MUC13: variants seen among roughly 807,000 people sequenced by gnomAD.
The protein encoded by MUC13 is mucin 13, cell surface associated.
In MUC13, 32 loss-of-function variants were observed where a neutral mutation model predicts 48.3. That is an observed-to-expected ratio of 0.66 (90% CI 0.50 to 0.89). The LOEUF is 0.89. Among genes scored for constraint, MUC13 ranks in the 40% least tolerant of loss-of-function variants. The pLI, the probability that MUC13 is intolerant of heterozygous loss-of-function variation, is 0.00. For missense variants in MUC13, 571 were observed against 622.8 expected, an observed-to-expected ratio of 0.92 and a Z score of 0.88; for synonymous variants, 199 against 224.9, an observed-to-expected ratio of 0.88 and a Z score of 1.03.
intron 10 of MUC13, among the ~76,000 whole-genome samples, chr3:124,909,047 G>A (rs954306425): frequency 9.9e-5 from 15 of 152,028 alleles, no homozygotes; most frequent in African/African-American, 2.9e-4. Context: ...CCAGCTACTC[G>A]GGAGGCCGAG....
At chr3:124,920,501 C>T (rs913656775) in intron 4 of MUC13, among the ~76,000 whole-genome samples, 2 of 152,286 alleles carry the variant, frequency 1.3e-5, no homozygotes, top group Middle Eastern at 3.4e-3. Flanking sequence ...TAAGTTGTCT[C>T]TATTTTCCTA....
At chr3:124,919,761 C>T (rs1217687510) in intron 5 of MUC13, among the ~76,000 whole-genome samples, 1 of 152,134 alleles carries the variant, frequency 6.6e-6, no homozygotes, top group Non-Finnish European at 1.5e-5. Flanking sequence ...AGTGCTTGTT[C>T]TCACTGCAGA....
chr3:124,906,881 C>T (rs1935328814), intron 11 of MUC13, 139 bp from the exon 12 acceptor site: 1 of 152,134 alleles, frequency 6.6e-6, no homozygotes, highest in South Asian at 2.1e-4. Flanking sequence ...CCCATATTCT[C>T]CCTATCATTT....
intron 5 of MUC13, among the ~76,000 whole-genome samples, chr3:124,918,033 T>C (rs940004516): frequency 6.6e-6 from 1 of 152,166 alleles, no homozygotes; most frequent in African/African-American, 2.4e-5. Context: ...GGCTTGGAGT[T>C]AAGACAGGAG....
intron 1 of MUC13, among the ~76,000 whole-genome samples, chr3:124,932,787 G>C (rs1480404937): frequency 6.6e-6 from 1 of 151,974 alleles, no homozygotes; most frequent in Non-Finnish European, 1.5e-5. Flanking sequence ...CTAATAAGTG[G>C]TGGCATGCCA....
chr3:124,926,115 T>C (rs1935681036), intron 2 of MUC13, among the ~76,000 whole-genome samples: 1 of 152,174 alleles, frequency 6.6e-6, no homozygotes, highest in Non-Finnish European at 1.5e-5. Flanking sequence ...GAAGAATGTG[T>C]CTCCTTCTGG....
In MUC13 at chr3:124,908,255, A is replaced by T. The variant is rs767144599; in HGVS notation, c.1431T>A (p.Leu477=). 1.2e-6 allele frequency: 2 copies of T among 1,614,164 alleles called. No homozygotes were observed. Among genetic ancestry groups the T allele is most frequent in the Non-Finnish European group, 1.7e-6 (2 of 1,180,036 alleles). ...TAGGAAAGACGCTCCCTTCTGCTCC[A>T]AGATTGGTGAAGCCTGTCGACCGCA... ...LKLRSTGFTN[L]GAEGSVFPKV... Residue 477 remains leucine (L), a synonymous_variant, in exon 11 of 12, where the codon CTT becomes CTA. Coordinates refer to ENST00000616727, the MANE Select transcript of MUC13 (RefSeq NM_033049.4).
chr3:124,908,033 A>G, intron 11 of MUC13, 114 bp downstream of exon 11: 1 of 1,004,308 alleles, frequency 1.0e-6, no homozygotes, highest in African/African-American at 1.6e-5. Context: ...TCAATTAAGA[A>G]AAAGAAAAAG....
At chr3:124,920,156 T>A in intron 5 of MUC13, 78 bp downstream of exon 5, 1 of 1,241,044 alleles carries the variant, frequency 8.1e-7, no homozygotes, top group Non-Finnish European at 1.2e-6. Flanking sequence ...GGCCTTAATG[T>A]TACATGCAGA....
At position 124,908,098 on chromosome 3, in the gene MUC13, C is replaced by T. The variant is rs370735906; in HGVS notation, c.*49G>A. 78 of 1,575,422 alleles carry T rather than the reference C, an allele frequency of 5.0e-5. No individual in the cohort carries two copies. The African/African-American group carries it at 8.8e-4, about 18-fold the overall frequency. ...ATTCAGCAACCAGGTCTCTGCTCTGCCCTGGTGCATTCACTCCCAAAAGCA... is the reference window on the plus strand; with the variant it reads ...ATTCAGCAACCAGGTCTCTGCTCTGTCCTGGTGCATTCACTCCCAAAAGCA... On this transcript the variant is annotated intron_variant, in intron 11 of 11. Transcript: ENST00000616727.
intron 5 of MUC13, 148 bp downstream of exon 5, chr3:124,920,086 C>A: frequency 1.3e-6 from 1 of 749,128 alleles, no homozygotes; most frequent in African/African-American, 1.8e-5. Flanking sequence ...CACACAGTCC[C>A]CTTTGCAGTG....
At chr3:124,917,415 C>T (rs190834209) in intron 5 of MUC13, among the ~76,000 whole-genome samples, 288 of 150,260 alleles carry the variant, frequency 1.9e-3, no homozygotes, top group African/African-American at 6.0e-3. Context: ...GGTGAGATCA[C>T]GTCTTACTGC....
Position 124,916,291 on chromosome 3 carries a change from T to A in MUC13, c.964+26A>T, listed in dbSNP as rs545301480. 271 of 1,586,126 alleles carry A rather than the reference T, an allele frequency of 1.7e-4. 1 individual carries two copies. In the South Asian group the frequency reaches 1.9e-3, roughly 11 times the overall value. On this transcript the variant is annotated intron_variant, in intron 6 of 11. Coordinates refer to ENST00000616727, the MANE Select transcript of MUC13 (RefSeq NM_033049.4). ...AAGGTAGGTAGGTCTTCAGGTGAAC[T>A]TTGAATAAAATTATACAATACTTAC... is the stretch of plus-strand genomic sequence containing the variant.
chr3:124,927,463 A>G (rs964708417), intron 2 of MUC13, 69 bp downstream of exon 2: 3 of 1,481,956 alleles, frequency 2.0e-6, no homozygotes, highest in Non-Finnish European at 2.8e-6. Flanking sequence ...CCACCAGAAC[A>G]TACCCACCTC....
At position 124,927,723 on chromosome 3, in the gene MUC13, GACTC is replaced by G; in HGVS notation, c.319_322del (p.Glu107GlnfsTer5). 6.2e-7 allele frequency: 1 copy of G among 1,614,220 alleles called. No homozygotes were observed. The highest frequency in any genetic ancestry group is 8.5e-7 in the Non-Finnish European group (1 of 1,180,044). On this transcript the variant is annotated frameshift_variant, in exon 2 of 12. Transcript: ENST00000616727. LOFTEE classifies it high-confidence loss of function. Reference sequence around the variant, plus strand: ...AGCTAATGAATTTACATTTGTGGTTGACTCACTGTCTGCAGCAGTAGGTATAGGA... The same window carrying G: ...AGCTAATGAATTTACATTTGTGGTTGACTGTCTGCAGCAGTAGGTATAGGA...
rs1243852910 is a variant in MUC13, at chr3:124,905,901, G to A, written c.*842C>T. 6.6e-6 allele frequency: 1 copy of A among 152,496 alleles called. No homozygotes were observed. The highest frequency in any genetic ancestry group is 2.4e-5 in the African/African-American group (1 of 41,440). The allele number at this position is 152,496 out of a possible 1,614,324, so 9.4% of individuals were successfully genotyped here. A position where few individuals can be genotyped will look rare whatever the true frequency, so the allele number is the denominator to read the frequency against. On this transcript the variant is annotated 3_prime_UTR_variant, in exon 12 of 12. Coordinates refer to ENST00000616727, the MANE Select transcript of MUC13 (RefSeq NM_033049.4). ...TTTGCTGATGGAGGAGGGGACCTAAGGAAGAAGGTGGATCCCAGGTGCCTC... is the reference window on the plus strand; with the variant it reads ...TTTGCTGATGGAGGAGGGGACCTAAAGAAGAAGGTGGATCCCAGGTGCCTC...
chr3:124,928,706 A>G (rs1123832), intron 1 of MUC13, among the ~76,000 whole-genome samples: 150,878 of 152,354 alleles, frequency 0.99, 74,718 homozygotes, highest in Middle Eastern at 1. Flanking sequence ...TTTAAGTTGA[A>G]TACTAAGAAG....
At chr3:124,924,069 C>T (rs1447597164) in intron 2 of MUC13, among the ~76,000 whole-genome samples, 1 of 152,002 alleles carries the variant, frequency 6.6e-6, no homozygotes, top group Non-Finnish European at 1.5e-5. Context: ...GAATAATTGT[C>T]ATATAGGAAG....
At chr3:124,914,342 G>A (rs1277813479) in intron 6 of MUC13, among the ~76,000 whole-genome samples, 1 of 152,008 alleles carries the variant, frequency 6.6e-6, no homozygotes, top group African/African-American at 2.4e-5. Flanking sequence ...CCTAGGAGGC[G>A]GAGGTTGCAG....
Sources: gnomAD v4.1 joint callset for allele counts (sites outside exome capture counted in the v4.1 genomes callset) on GRCh38, gnomAD v4.1.1 for gene constraint, MANE v1.5 for transcripts, NCBI Gene and HGNC (gene_info 2026-07-23, HGNC 2026-07-21) for gene names.